The following CCDC102B variants were observed in gnomAD, a reference collection of about 807,000 sequenced individuals.
The protein encoded by CCDC102B is coiled-coil domain-containing protein 102B.
Under a neutral mutation model 57.4 loss-of-function variants are expected in CCDC102B, and 75 were observed. The observed-to-expected ratio is 1.31, with a 90% CI of 1.08 to 1.58. The LOEUF (loss-of-function observed/expected upper bound fraction) is 1.58. Ranked by LOEUF, CCDC102B falls within the 40% of genes most tolerant of loss-of-function variation. The pLI is 0.00. For missense variants in CCDC102B, 636 were observed against 582.6 expected (o/e 1.09, Z -0.94); for synonymous variants, 206 against 201.9 (o/e 1.02, Z -0.17).
chr18:68,975,746 C>G (rs2050418075), intron 6 of CCDC102B, among the ~76,000 whole-genome samples: 1 of 151,646 alleles, frequency 6.6e-6, no homozygotes, highest in Non-Finnish European at 1.5e-5. Flanking sequence ...AGTCAGGGGT[C>G]ATTGCACAAA....
At chr18:68,728,677 C>T (rs895978467) in intron 2 of CCDC102B, among the ~76,000 whole-genome samples, 12 of 152,108 alleles carry the variant, frequency 7.9e-5, no homozygotes, top group African/African-American at 2.7e-4. Context: ...TGTTATCCTG[C>T]TCGAGATGTT....
chr18:68,900,745 A>G lies in CCDC102B; in HGVS notation c.1263+3317A>G, dbSNP rs116411753. 9.4e-3 allele frequency among the ~76,000 whole-genome samples: 1,437 copies of G among 152,284 alleles called. 24 individuals carry two copies. Among genetic ancestry groups the G allele is most frequent in the African/African-American group, 0.033 (1,356 of 41,572 alleles). On this transcript the variant is annotated intron_variant, in intron 6 of 7. Transcript: ENST00000360242. ...TTAAAGAGTAAAAGTTGGTAAGCTC[A>G]TAACTTTATAGGAACATTAAAAGAA... is the stretch of plus-strand genomic sequence containing the variant.
At chr18:69,028,390 A>G (rs2052050265) in intron 7 of CCDC102B, among the ~76,000 whole-genome samples, 1 of 152,172 alleles carries the variant, frequency 6.6e-6, no homozygotes, top group Non-Finnish European at 1.5e-5. Flanking sequence ...GAGAGTGTGA[A>G]AAAAGACCTG....
chr18:69,050,165 A>C (rs533637976), intron 7 of CCDC102B, among the ~76,000 whole-genome samples: 7,657 of 152,216 alleles, frequency 0.05, 660 homozygotes, highest in African/African-American at 0.17. Flanking sequence ...TTGAAGGAGC[A>C]AATTACAGAC....
chr18:68,827,473 G>A (rs1270619583), intron 1 of CCDC102B, among the ~76,000 whole-genome samples: 2 of 151,878 alleles, frequency 1.3e-5, no homozygotes, highest in African/African-American at 4.8e-5. Flanking sequence ...ATTTTAATAA[G>A]TATGAAAACT....
chr18:68,910,098 G>T (rs985545679), intron 6 of CCDC102B, among the ~76,000 whole-genome samples: 1 of 152,126 alleles, frequency 6.6e-6, no homozygotes, highest in Non-Finnish European at 1.5e-5. Context: ...CATTTGACCA[G>T]CCTGGCCAAC....
intron 2 of CCDC102B, among the ~76,000 whole-genome samples, chr18:68,786,069 C>A (rs1454853535): frequency 6.6e-6 from 1 of 150,586 alleles, no homozygotes; most frequent in Non-Finnish European, 1.5e-5. Context: ...TTCCCAGCAC[C>A]ATTTATTAAA....
intron 2 of CCDC102B, among the ~76,000 whole-genome samples, chr18:68,749,632 C>G (rs2033767713): frequency 6.6e-6 from 1 of 152,096 alleles, no homozygotes; most frequent in Non-Finnish European, 1.5e-5. Context: ...ATTTTGTATC[C>G]TGAGACTTTG....
intron 2 of CCDC102B, among the ~76,000 whole-genome samples, chr18:68,762,216 G>T (rs2034275487): frequency 6.6e-6 from 1 of 152,084 alleles, no homozygotes; most frequent in South Asian, 2.1e-4. Flanking sequence ...TTGTGGTGTT[G>T]CTCAGCAAAG....
chr18:69,031,725 A>G (rs1014663191), intron 7 of CCDC102B, among the ~76,000 whole-genome samples: 4 of 152,232 alleles, frequency 2.6e-5, no homozygotes, highest in Admixed American at 2.0e-4. Context: ...GTGGAAGAAG[A>G]TTTCTCTAGC....
At chr18:68,819,080 T>G (rs1168486423) in intron 1 of CCDC102B, among the ~76,000 whole-genome samples, 1 of 152,160 alleles carries the variant, frequency 6.6e-6, no homozygotes, top group Non-Finnish European at 1.5e-5. Flanking sequence ...GACAATGTCT[T>G]TCTTCTCATG....
intron 4 of CCDC102B, among the ~76,000 whole-genome samples, chr18:68,864,713 C>T (rs569451442): frequency 2.9e-4 from 44 of 152,040 alleles, no homozygotes; most frequent in Non-Finnish European, 4.9e-4. Context: ...TATGATTCAA[C>T]TATCATTGTC....
chr18:68,856,464 AT>A (rs2038391760), intron 4 of CCDC102B, among the ~76,000 whole-genome samples: 1 of 152,030 alleles, frequency 6.6e-6, no homozygotes, highest in Non-Finnish European at 1.5e-5. Context: ...CTAATTTATA[AT>A]TTTTAAAATT....
At chr18:68,879,549 A>C (rs531831099) in intron 5 of CCDC102B, among the ~76,000 whole-genome samples, 1 of 151,420 alleles carries the variant, frequency 6.6e-6, no homozygotes, top group East Asian at 2.0e-4. Context: ...GATTAGCTAG[A>C]TACAGAGTGT....
intron 5 of CCDC102B, among the ~76,000 whole-genome samples, chr18:68,891,215 G>C (rs947339195): frequency 3.9e-5 from 6 of 152,252 alleles, no homozygotes; most frequent in Middle Eastern, 3.4e-3. Flanking sequence ...TAAGGTTTCT[G>C]TGCAATCCTT....
At chr18:68,725,371 T>G (rs2032547370) in intron 2 of CCDC102B, among the ~76,000 whole-genome samples, 1 of 152,172 alleles carries the variant, frequency 6.6e-6, no homozygotes, top group Non-Finnish European at 1.5e-5. Flanking sequence ...TCCAGTACAT[T>G]CAGCTAGTCT....
chr18:68,765,316 GGAAGGAAGGAAAGAAAGAAA>G (rs1246108210), intron 2 of CCDC102B, among the ~76,000 whole-genome samples: 164 of 36,544 alleles, frequency 4.5e-3, no homozygotes, highest in East Asian at 0.027. Context: ...AAGGAAGGAA[GGAAGGAAGGAAAGAAAGAAA>G]GAAAGAAAGA....
intron 6 of CCDC102B, among the ~76,000 whole-genome samples, chr18:68,900,861 A>G (rs565730302): frequency 1.6e-4 from 25 of 152,290 alleles, no homozygotes; most frequent in Non-Finnish European, 3.1e-4. Context: ...AGTGTCATAC[A>G]ACTAGGCACC....
chr18:68,938,691 T>A (rs1213582480), intron 6 of CCDC102B, among the ~76,000 whole-genome samples: 1 of 151,552 alleles, frequency 6.6e-6, no homozygotes, highest in African/African-American at 2.4e-5. Flanking sequence ...TTATTTATAT[T>A]CTTTGTTATA....
Sources: allele counts gnomAD v4.1 joint callset (sites outside exome capture counted in the v4.1 genomes callset), GRCh38; gene constraint gnomAD v4.1.1; transcripts MANE v1.5; gene names NCBI Gene and HGNC (gene_info 2026-07-23, HGNC 2026-07-21).